NRG1: variants seen among roughly 807,000 people sequenced by gnomAD.
NRG1 encodes the protein pro-neuregulin-1, membrane-bound isoform.
Under a neutral mutation model 63.8 loss-of-function variants are expected in NRG1, and 18 were observed. The ratio of observed to expected loss-of-function variants is 0.28; its 90% CI spans 0.19 to 0.42. The LOEUF (loss-of-function observed/expected upper bound fraction) is 0.42. Ranked by LOEUF, NRG1 falls within the 10% of genes least tolerant of loss-of-function variation. NRG1 has a pLI of 1.00. For synonymous variants in NRG1, 302 were observed against 301.3 expected, an observed-to-expected ratio of 1.00 and a Z score of -0.02; for missense variants, 762 against 814.7, an observed-to-expected ratio of 0.94 and a Z score of 0.79.
rs368169955 is a variant in NRG1 at position 32,591,273 on chromosome 8, C to T, written c.101-4555C>T. 7.2e-4 allele frequency among the ~76,000 whole-genome samples: 109 copies of T among 152,278 alleles called. 2 individuals are homozygous for T. The South Asian group carries it at 0.013, about 18-fold the overall frequency. On this transcript the variant is annotated intron_variant, in intron 1 of 11. Transcript: ENST00000356819. ...GATGCAAAGTTAGAGTAGCTGTGAG[C>T]TTTTCCACATCTGATGATTTTGGAA... is the stretch of plus-strand genomic sequence containing the variant.
intron 6 of NRG1, among the ~76,000 whole-genome samples, chr8:32,737,226 A>G (rs1825293231): frequency 6.6e-6 from 1 of 152,074 alleles, no homozygotes; most frequent in Non-Finnish European, 1.5e-5. Flanking sequence ...AGGGAGGGAG[A>G]CTGTGAGAAG....
At chr8:32,282,570 C>A (rs1441318763) in intron 1 of NRG1, among the ~76,000 whole-genome samples, 1 of 152,136 alleles carries the variant, frequency 6.6e-6, no homozygotes, top group African/African-American at 2.4e-5. Flanking sequence ...GGTATGTGCC[C>A]CATTCAGAGC....
At chr8:31,839,959 G>A (rs1243701757) in intron 1 of NRG1, among the ~76,000 whole-genome samples, 2 of 152,086 alleles carry the variant, frequency 1.3e-5, no homozygotes, top group Non-Finnish European at 2.9e-5. Flanking sequence ...CCAGATGGGA[G>A]CAAATTTCCA....
intron 1 of NRG1, among the ~76,000 whole-genome samples, chr8:31,862,532 C>A (rs1259781094): frequency 6.6e-6 from 1 of 152,124 alleles, no homozygotes; most frequent in African/African-American, 2.4e-5. Context: ...TGGTTTTGAA[C>A]TTGATTTGGG....
chr8:31,984,536 T>C (rs1809712973), intron 1 of NRG1, among the ~76,000 whole-genome samples: 1 of 152,142 alleles, frequency 6.6e-6, no homozygotes, highest in East Asian at 1.9e-4. Context: ...GGTCAGGAAA[T>C]GAGGAACTGC....
At chr8:31,821,652 C>T (rs1824015262) in intron 1 of NRG1, among the ~76,000 whole-genome samples, 1 of 152,072 alleles carries the variant, frequency 6.6e-6, no homozygotes, top group South Asian at 2.1e-4. Context: ...GTCTTACCCT[C>T]TACTTACAGG....
intron 1 of NRG1, among the ~76,000 whole-genome samples, chr8:32,481,928 T>C (rs1434783735): frequency 6.6e-6 from 1 of 152,202 alleles, no homozygotes; most frequent in Non-Finnish European, 1.5e-5. Context: ...TGAAGACCTC[T>C]AACTGGGACT....
At chr8:31,868,854 A>G (rs1241971096) in intron 1 of NRG1, among the ~76,000 whole-genome samples, 1 of 152,204 alleles carries the variant, frequency 6.6e-6, no homozygotes, top group African/African-American at 2.4e-5. Flanking sequence ...CCAGGAATCA[A>G]CTTGCGTCTA....
downstream of NRG1, among the ~76,000 whole-genome samples, chr8:32,768,995 A>G (rs1039649129): frequency 6.6e-6 from 1 of 152,216 alleles, no homozygotes; most frequent in Non-Finnish European, 1.5e-5. Flanking sequence ...TAAATTTTCA[A>G]AAATGCTTGA....
chr8:31,699,241 T>A (rs1414377557), intron 1 of NRG1, among the ~76,000 whole-genome samples: 1 of 152,182 alleles, frequency 6.6e-6, no homozygotes, highest in Non-Finnish European at 1.5e-5. Context: ...AGTCAAGATC[T>A]AATTAGACAT....
intron 1 of NRG1, among the ~76,000 whole-genome samples, chr8:31,762,407 G>A (rs1040932078): frequency 3.3e-5 from 5 of 152,202 alleles, no homozygotes; most frequent in African/African-American, 9.6e-5. Context: ...AGTATTCCAT[G>A]GTGTATGTGT....
intron 1 of NRG1, among the ~76,000 whole-genome samples, chr8:32,218,986 T>C (rs1361136896): frequency 2.0e-5 from 3 of 152,214 alleles, no homozygotes. Flanking sequence ...TGCCAAACCC[T>C]GTGCCAGGTG....
chr8:31,639,838 C>G (rs1285632838), intron 1 of NRG1: 1 of 1,161,040 alleles, frequency 8.6e-7, no homozygotes, highest in Non-Finnish European at 1.1e-6. Context: ...ACTCTCCTAC[C>G]CCTGCACCCC....
chr8:32,079,758 G>T (rs1268539325), intron 1 of NRG1, among the ~76,000 whole-genome samples: 2 of 152,022 alleles, frequency 1.3e-5, no homozygotes, highest in African/African-American at 4.8e-5. Context: ...AAATTACAGG[G>T]CAATGGGTTT....
At chr8:31,705,060 G>A (rs567256369) in intron 1 of NRG1, among the ~76,000 whole-genome samples, 2 of 151,996 alleles carry the variant, frequency 1.3e-5, no homozygotes, top group East Asian at 3.9e-4. Context: ...TTTTTGAGAC[G>A]GAGTCTCTGT....
intron 3 of NRG1, among the ~76,000 whole-genome samples, chr8:32,606,099 T>A (rs555987921): frequency 4.5e-4 from 67 of 149,648 alleles, no homozygotes; most frequent in African/African-American, 1.6e-3. Flanking sequence ...TTATGTATTA[T>A]ATATGCGTTA....
At chr8:31,692,799 G>C (rs962587062) in intron 1 of NRG1, among the ~76,000 whole-genome samples, 4 of 152,150 alleles carry the variant, frequency 2.6e-5, no homozygotes, top group African/African-American at 9.7e-5. Flanking sequence ...AGGTGTGTAA[G>C]CTTGCTCAGG....
chr8:32,356,405 T>G (rs183797145), intron 1 of NRG1, among the ~76,000 whole-genome samples: 6 of 146,636 alleles, frequency 4.1e-5, no homozygotes, highest in African/African-American at 1.5e-4. Flanking sequence ...TCACAGGAAA[T>G]AATTATGTAG....
chr8:31,717,649 G>A (rs541107817), intron 1 of NRG1, among the ~76,000 whole-genome samples: 5 of 152,048 alleles, frequency 3.3e-5, no homozygotes, highest in South Asian at 4.2e-4. Context: ...CAGAACTCAC[G>A]GCTTTATATT....
Sources: allele counts gnomAD v4.1 joint callset (sites outside exome capture counted in the v4.1 genomes callset), GRCh38; gene constraint gnomAD v4.1.1; transcripts MANE v1.5; gene names NCBI Gene and HGNC (gene_info 2026-07-23, HGNC 2026-07-21).